TRPS1: variants seen among roughly 807,000 people sequenced by gnomAD.
TRPS1 encodes the protein zinc finger transcription factor Trps1.
TRPS1 carries 6 observed loss-of-function variants against 101.2 expected under a neutral mutation model. The ratio of observed to expected loss-of-function variants is 0.06; its 90% CI spans 0.03 to 0.12. The LOEUF is 0.12. TRPS1 is among the 10% of genes least tolerant of loss of function. The pLI is 1.00. For missense variants in TRPS1, 1,363 were observed against 1,567.0 expected, an observed-to-expected ratio of 0.87 and a Z score of 2.20; for synonymous variants, 578 against 589.8, an observed-to-expected ratio of 0.98 and a Z score of 0.29.
chr8:115,415,068 T>G lies in TRPS1; in HGVS notation c.2840A>C (p.Asn947Thr), dbSNP rs1375591296. 1 of 1,596,934 alleles carries G rather than the reference T, an allele frequency of 6.3e-7. No homozygotes were observed. The highest frequency in any genetic ancestry group is 1.1e-5 in the South Asian group (1 of 87,802). ...CTCACCGTTGTTTTGTTTAATGATGTTTAAAGGCCTGGGAGTCTGCAGAGA... is the reference window on the plus strand; with the variant it reads ...CTCACCGTTGTTTTGTTTAATGATGGTTAAAGGCCTGGGAGTCTGCAGAGA... The part of the protein sequence containing the change: ...QKLHSTPRPL[N>T]IIKQNNGEQI... Residue 947 changes from asparagine (N) to threonine (T), a missense_variant, in exon 7 of 7, where the codon AAC (asparagine) becomes ACC (threonine). Physicochemically the swap from Asn to Thr is moderately conservative, Grantham distance 65. Transcript: ENST00000395715.
Position 115,604,301 on chromosome 8 carries a change from C to T in TRPS1, c.1668G>A (p.Val556=). Residue 556 remains valine, a synonymous_variant, in exon 4 of 7, where the codon GTG becomes GTA. Transcript: ENST00000395715. This position sits in a 1 kb window ranked among gnomAD's most constrained non-coding sequence, Gnocchi z 4.1. ...SKSHGPDVIV[V]GPLLRHYQQL... Reference sequence around the variant, plus strand: ...GTTGATAATGACGGAGAAGTGGCCCCACTACAATTACATCAGGGCCATGGC... The same window carrying T: ...GTTGATAATGACGGAGAAGTGGCCCTACTACAATTACATCAGGGCCATGGC... 1 of 1,614,072 alleles carries T rather than the reference C, an allele frequency of 6.2e-7. No individual in the cohort carries two copies. Among genetic ancestry groups the T allele is most frequent in the Non-Finnish European group, 8.5e-7 (1 of 1,180,012 alleles).
chr8:115,656,500 T>C (rs2130619916), intron 1 of TRPS1, among the ~76,000 whole-genome samples: 1 of 152,080 alleles, frequency 6.6e-6, no homozygotes, highest in Non-Finnish European at 1.5e-5. Flanking sequence ...TTGTGAGTTC[T>C]TTTTTTTCTT....
At chr8:115,537,601 C>T (rs1475597312) in intron 5 of TRPS1, among the ~76,000 whole-genome samples, 1 of 151,924 alleles carries the variant, frequency 6.6e-6, no homozygotes, top group African/African-American at 2.4e-5. Context: ...TTTTGGGGGA[C>T]CCAAATTAGT....
chr8:115,637,346 T>A (rs926272708), intron 1 of TRPS1: 1 of 975,908 alleles, frequency 1.0e-6, no homozygotes, highest in East Asian at 1.1e-4. Context: ...AAGAAGAGAT[T>A]AGGAAAACTA....
chr8:115,648,957 T>C (rs1811498314), intron 1 of TRPS1, among the ~76,000 whole-genome samples: 1 of 151,864 alleles, frequency 6.6e-6, no homozygotes, highest in African/African-American at 2.4e-5. Context: ...AACTAAGAAA[T>C]ACAAAGCCAT....
At chr8:115,614,491 G>A (rs1487232732) in intron 3 of TRPS1, among the ~76,000 whole-genome samples, 1 of 152,198 alleles carries the variant, frequency 6.6e-6, no homozygotes, top group Admixed American at 6.5e-5. Context: ...ATTTAGCTCT[G>A]CCATCTCCAC....
At chr8:115,498,411 C>CTATATA (rs1563554161) in intron 5 of TRPS1, among the ~76,000 whole-genome samples, 15 of 72,686 alleles carry the variant, frequency 2.1e-4, no homozygotes, top group Non-Finnish European at 3.3e-4. Flanking sequence ...CTCTCTCTCT[C>CTATATA]TCTCTATATA....
chr8:115,515,162 C>T, intron 5 of TRPS1: 1 of 681,608 alleles, frequency 1.5e-6, no homozygotes, highest in Non-Finnish European at 2.7e-6. Flanking sequence ...ATTCAATGTC[C>T]AAATTCTTTT....
At chr8:115,603,791 T>C (rs1817962193) in intron 4 of TRPS1, 82 bp downstream of exon 4, 1 of 1,515,254 alleles carries the variant, frequency 6.6e-7, no homozygotes, top group East Asian at 2.4e-5. Context: ...CTCTCAACAA[T>C]TCCCGGTTCA....
chr8:115,554,431 C>T (rs1250307389), intron 5 of TRPS1, among the ~76,000 whole-genome samples: 1 of 152,154 alleles, frequency 6.6e-6, no homozygotes, highest in Non-Finnish European at 1.5e-5. Flanking sequence ...AATGAAATGA[C>T]CCACCCCTTT....
chr8:115,587,242 G>A lies in TRPS1; in HGVS notation c.2459C>T (p.Thr820Ile), dbSNP rs1817582986. ...CGTCAGCAGCCCCAGGCTTGCTTGG[G>A]TGTATGACGGACTCCCCCGCAGGAT... Reference protein sequence around the residue: ...ADILRGSPSYTQASLGLLTPV... With the variant: ...ADILRGSPSYIQASLGLLTPV... Residue 820 changes from threonine to isoleucine, a missense_variant, in exon 5 of 7, where the codon ACC becomes ATC. Transcript: ENST00000395715. 1.9e-6 allele frequency: 3 copies of A among 1,614,228 alleles called. No individual in the cohort carries two copies. Among genetic ancestry groups the A allele is most frequent in the Non-Finnish European group, 2.5e-6 (3 of 1,180,028 alleles).
intron 1 of TRPS1, among the ~76,000 whole-genome samples, chr8:115,643,136 A>G (rs760852864): frequency 6.6e-6 from 1 of 152,158 alleles, no homozygotes. Context: ...GTCTTGAGCA[A>G]TTGGTAATCT....
intron 5 of TRPS1, among the ~76,000 whole-genome samples, chr8:115,586,544 G>A (rs1817564328): frequency 6.6e-6 from 1 of 152,156 alleles, no homozygotes; most frequent in South Asian, 2.1e-4. Flanking sequence ...TCCGTATTTT[G>A]GTATGAACAT....
chr8:115,658,981 T>C (rs1029123625), intron 1 of TRPS1, among the ~76,000 whole-genome samples: 2 of 152,102 alleles, frequency 1.3e-5, no homozygotes, highest in Non-Finnish European at 2.9e-5. Context: ...AAATATGTTA[T>C]AAATAATGAG....
chr8:115,536,470 C>T (rs900851486), intron 5 of TRPS1, among the ~76,000 whole-genome samples: 3 of 131,900 alleles, frequency 2.3e-5, no homozygotes, highest in Middle Eastern at 5.1e-3. Flanking sequence ...TTGCAGTGAG[C>T]GGAGATTGCG....
At chr8:115,415,714 T>G (rs1812903728) in intron 6 of TRPS1, among the ~76,000 whole-genome samples, 1 of 152,112 alleles carries the variant, frequency 6.6e-6, no homozygotes, top group East Asian at 1.9e-4. Flanking sequence ...AGATAGAAGG[T>G]GGCTTAGTAA....
chr8:115,552,133 A>C (rs1002712173), intron 5 of TRPS1, among the ~76,000 whole-genome samples: 7 of 152,206 alleles, frequency 4.6e-5, no homozygotes, highest in Admixed American at 3.9e-4. Context: ...TGCTAATTTA[A>C]CACTGTCAAA....
intron 5 of TRPS1, among the ~76,000 whole-genome samples, chr8:115,478,752 C>T (rs937042491): frequency 2.0e-5 from 3 of 150,338 alleles, no homozygotes; most frequent in East Asian, 3.9e-4. Context: ...TGCAGTGAGC[C>T]GAGATCACGC....
At chr8:115,625,599 T>A (rs1312659906) in intron 1 of TRPS1, among the ~76,000 whole-genome samples, 2 of 151,918 alleles carry the variant, frequency 1.3e-5, no homozygotes, top group Non-Finnish European at 2.9e-5. Context: ...CTAAGCAAGA[T>A]GACTTTAATT....
Sources: gnomAD v4.1 joint callset for allele counts (sites outside exome capture counted in the v4.1 genomes callset) on GRCh38, gnomAD v4.1.1 for gene constraint, Gnocchi (gnomAD v3.1) non-coding constraint, MANE v1.5 for transcripts, NCBI Gene and HGNC (gene_info 2026-07-23, HGNC 2026-07-21) for gene names.